GALNT9: variants seen among roughly 807,000 people sequenced by gnomAD.
GALNT9 encodes GalNAc transferase 9.
A neutral mutation model predicts 63.1 loss-of-function variants in GALNT9; 47 were observed. That is an observed-to-expected ratio of 0.75 (90% CI 0.59 to 0.95). The LOEUF (loss-of-function observed/expected upper bound fraction) is 0.95. Among genes scored for constraint, GALNT9 ranks in the 40% least tolerant of loss-of-function variants. The probability of loss-of-function intolerance (pLI) is 0.00; values close to 1 mark genes in which losing one functional copy is unlikely to be tolerated. For synonymous variants in GALNT9, 396 were observed against 365.7 expected, an observed-to-expected ratio of 1.08 and a Z score of -0.94; for missense variants, 829 against 874.8, an observed-to-expected ratio of 0.95 and a Z score of 0.66.
At chr12:132,240,894 C>A (rs1555236976) in intron 6 of GALNT9, among the ~76,000 whole-genome samples, 1 of 139,232 alleles carries the variant, frequency 7.2e-6, no homozygotes, top group Non-Finnish European at 1.6e-5. Context: ...ACACACACAC[C>A]ACACACCCTT....
At chr12:132,253,370 A>G (rs1355218825) in intron 5 of GALNT9, among the ~76,000 whole-genome samples, 6 of 151,888 alleles carry the variant, frequency 4.0e-5, no homozygotes, top group Non-Finnish European at 8.8e-5. Flanking sequence ...GCTAAGTAAC[A>G]GGTGCCTTCC....
intron 1 of GALNT9, among the ~76,000 whole-genome samples, chr12:132,301,071 C>A (rs1027498329): frequency 1.3e-5 from 2 of 152,254 alleles, no homozygotes; most frequent in African/African-American, 4.8e-5. Flanking sequence ...GAGCCAGCTG[C>A]TTTTGTCACC....
intron 1 of GALNT9, among the ~76,000 whole-genome samples, chr12:132,321,886 G>A (rs1311342067): frequency 1.3e-5 from 2 of 151,982 alleles, no homozygotes; most frequent in African/African-American, 2.4e-5. Context: ...GGCGCGCAGG[G>A]CCACACTCCC....
At chr12:132,229,299 C>T (rs1877811465) in intron 6 of GALNT9, among the ~76,000 whole-genome samples, 1 of 152,256 alleles carries the variant, frequency 6.6e-6, no homozygotes, top group Non-Finnish European at 1.5e-5. Flanking sequence ...TCACCAGAGG[C>T]AAGCCCCACG....
At chr12:132,285,128 C>A (rs1555242042) in intron 2 of GALNT9, among the ~76,000 whole-genome samples, 1 of 152,232 alleles carries the variant, frequency 6.6e-6, no homozygotes, top group African/African-American at 2.4e-5. Context: ...CTGACCACAC[C>A]AGGAGCTGCA....
intron 6 of GALNT9, among the ~76,000 whole-genome samples, chr12:132,208,438 C>G (rs552968067): frequency 7.8e-4 from 119 of 152,378 alleles, no homozygotes; most frequent in Non-Finnish European, 1.4e-3. Context: ...GAGGGGGACG[C>G]TATCACCCTA....
chr12:132,199,172 A>G lies in GALNT9; in HGVS notation c.1497+2T>C. The G allele has an allele frequency of 1.3e-6, 2 of 1,589,952 alleles. No homozygotes were observed. The highest frequency in any genetic ancestry group is 1.7e-6 in the Non-Finnish European group (2 of 1,168,182). On this transcript the variant is annotated splice_donor_variant, in intron 9 of 10. Transcript: ENST00000328957. LOFTEE classifies it high-confidence loss of function. The stretch of plus-strand genomic sequence containing the variant: ...TGCATGGGTGGCCGCTGCTACTCCT[A>G]CCTGGGAGGACATCCCGTGGCAGGG...
rs1868455540 is a variant in GALNT9 at position 132,315,410 on chromosome 12, AG to A, written c.238+13555del. Among the ~76,000 whole-genome samples the A allele has an allele frequency of 6.6e-6, 1 of 152,200 alleles. No individual in the cohort carries two copies. Among genetic ancestry groups the A allele is most frequent in the Non-Finnish European group, 1.5e-5 (1 of 68,040 alleles). The stretch of plus-strand genomic sequence containing the variant: ...AGTGCTCGAGCCTCAGAATATTAAC[AG>A]GCATTTTCCACCATTTTCTCAAAAT... On this transcript the variant is annotated intron_variant, in intron 1 of 10. Transcript: ENST00000328957. The surrounding 1 kb of genome is among the most constrained non-coding windows in gnomAD (Gnocchi z 6.1).
intron 2 of GALNT9, among the ~76,000 whole-genome samples, chr12:132,267,918 C>T (rs28699111): frequency 0.014 from 2,171 of 150,082 alleles, 50 homozygotes; most frequent in African/African-American, 0.051. Context: ...TCCACATGCA[C>T]TCACACACAT....
intron 1 of GALNT9, among the ~76,000 whole-genome samples, chr12:132,301,977 C>T (rs1157187659): frequency 1.3e-5 from 2 of 152,228 alleles, no homozygotes; most frequent in Non-Finnish European, 2.9e-5. Context: ...CACAGAAACA[C>T]CTGCCTGACA....
chr12:132,323,840 G>A (rs1402235263), intron 1 of GALNT9, among the ~76,000 whole-genome samples: 1 of 152,356 alleles, frequency 6.6e-6, no homozygotes, highest in Admixed American at 6.5e-5. Context: ...TTAATGATCC[G>A]GGTGGAAAGA....
intron 6 of GALNT9, among the ~76,000 whole-genome samples, chr12:132,220,252 GATAA>G (rs1293914606): frequency 3.3e-5 from 5 of 152,110 alleles, no homozygotes; most frequent in Admixed American, 1.3e-4. Context: ...GCAATACCCT[GATAA>G]ATAAATAAAG....
chr12:132,264,302 G>A (rs1447548143), intron 2 of GALNT9, among the ~76,000 whole-genome samples: 2 of 152,250 alleles, frequency 1.3e-5, no homozygotes, highest in Admixed American at 6.5e-5. Flanking sequence ...GCCCAGGAGC[G>A]ATCAGGGCAA....
chr12:132,235,165 G>GGA lies in GALNT9; in HGVS notation c.1077+12743_1077+12744dup, dbSNP rs1593074436. On this transcript the variant is annotated intron_variant, in intron 6 of 10. Coordinates refer to ENST00000328957, the MANE Select transcript of GALNT9 (RefSeq NM_001122636.2). ...TGCCACACACTCGATGGGGTGACAG[G>GGA]GACAGCGTGGAGCCCCTAGTGCCAC... is the stretch of plus-strand genomic sequence containing the variant. Among the ~76,000 whole-genome samples, 325 of 54,690 alleles carry GGA rather than the reference G, an allele frequency of 5.9e-3. 47 individuals carry two copies. The highest frequency in any genetic ancestry group is 0.021 in the Middle Eastern group (1 of 48). The allele number at this position is 54,690 out of a possible 152,430, so 35.9% of individuals were successfully genotyped here. A position where few individuals can be genotyped will look rare whatever the true frequency, so the allele number is the denominator to read the frequency against.
intron 6 of GALNT9, 56 bp downstream of exon 6, chr12:132,247,854 G>A (rs1555238199): frequency 6.5e-7 from 1 of 1,547,202 alleles, no homozygotes; most frequent in Non-Finnish European, 8.7e-7. Context: ...CCTGTTCCCA[G>A]ACGCTGTGGC....
chr12:132,197,749 TGCCCC>T lies in GALNT9; in HGVS notation c.1665+38_1665+42del, dbSNP rs148177836. On this transcript the variant is annotated intron_variant, in intron 10 of 10. Transcript: ENST00000328957. ...AGGCACCCAGGGGTCCCAGCAGCCC[TGCCCC>T]GCCCCAACCCCACGGCCCCCCTTCC... is the stretch of plus-strand genomic sequence containing the variant. 14,609 of 1,392,178 alleles carry T rather than the reference TGCCCC, an allele frequency of 0.01. 869 individuals carry two copies. In the African/African-American group the frequency reaches 0.15, roughly 14 times the overall value. The allele number at this position is 1,392,178 out of a possible 1,614,324, so 86.2% of individuals were successfully genotyped here.
chr12:132,258,466 AG>A (rs113228305), intron 4 of GALNT9, among the ~76,000 whole-genome samples: 14,797 of 152,258 alleles, frequency 0.097, 1,239 homozygotes, highest in African/African-American at 0.22. Flanking sequence ...ATGAGTGTGC[AG>A]CGGCCCCGCT....
intron 6 of GALNT9, among the ~76,000 whole-genome samples, chr12:132,207,773 G>A (rs1043310986): frequency 1.3e-5 from 2 of 152,190 alleles, no homozygotes; most frequent in Admixed American, 6.5e-5. Context: ...TAAGCACAAG[G>A]GCCCACGGCT....
intron 6 of GALNT9, among the ~76,000 whole-genome samples, chr12:132,215,016 T>C (rs10902517): frequency 0.59 from 90,343 of 152,168 alleles, 27,023 homozygotes; most frequent in East Asian, 0.78. Flanking sequence ...CCGGCCTCTG[T>C]AGCACCCTCC....
Sources: gnomAD v4.1 joint callset for allele counts (sites outside exome capture counted in the v4.1 genomes callset) on GRCh38, gnomAD v4.1.1 for gene constraint, Gnocchi (gnomAD v3.1) non-coding constraint, MANE v1.5 for transcripts, NCBI Gene and HGNC (gene_info 2026-07-23, HGNC 2026-07-21) for gene names.